The following PRKAA2 variants were observed in gnomAD, a reference collection of about 807,000 sequenced individuals.
PRKAA2 encodes the protein 5'-AMP-activated protein kinase catalytic subunit alpha-2.
PRKAA2 carries 40 observed loss-of-function variants against 56.3 expected under a neutral mutation model. The observed-to-expected ratio is 0.71, with a 90% CI of 0.55 to 0.92. The LOEUF (loss-of-function observed/expected upper bound fraction) is 0.92. Ranked by LOEUF, PRKAA2 falls within the 40% of genes least tolerant of loss-of-function variation. PRKAA2 has a pLI of 0.00. For synonymous variants in PRKAA2, 214 were observed against 234.2 expected (o/e 0.91, Z 0.79); for missense variants, 542 against 686.9 (o/e 0.79, Z 2.36).
At chr1:56,689,798 T>C (rs761912286) in intron 2 of PRKAA2, among the ~76,000 whole-genome samples, 1 of 152,014 alleles carries the variant, frequency 6.6e-6, no homozygotes, top group Non-Finnish European at 1.5e-5. Context: ...GTGTAAGTTG[T>C]AGTTTTTGGG....
In PRKAA2 at chr1:56,707,514, A is replaced by C. The variant is rs373434788; in HGVS notation, c.1460A>C (p.Gln487Pro). The change falls in exon 9 of 9, where the codon CAG becomes CCG. Residue 487 changes from glutamine to proline, a missense_variant. Coordinates refer to ENST00000371244, the MANE Select transcript of PRKAA2 (RefSeq NM_006252.4). The stretch of plus-strand genomic sequence containing the variant: ...CAGAGATCTGGTTCCTCAACACCTC[A>C]GCGTTCCTGTTCTGCTGCTGGCTTA... ...VEQRSGSSTP[Q>P]RSCSAAGLHR... The C allele has an allele frequency of 4.3e-6, 7 of 1,614,046 alleles. No individual in the cohort carries two copies. In the African/African-American group the frequency reaches 8.0e-5, roughly 18 times the overall value.
rs1409926821 is a variant in PRKAA2, at chr1:56,711,137, CTA to C, written c.*3426_*3427del. 2 of 151,992 alleles carry C rather than the reference CTA, an allele frequency of 1.3e-5. No individual in the cohort carries two copies. The highest frequency in any genetic ancestry group is 4.8e-5 in the African/African-American group (2 of 41,414). The allele number at this position is 151,992 out of a possible 1,614,324, so 9.4% of individuals were successfully genotyped here. ...AAATTAATCAGAAATAATTATATTTCTATGTCAGGGTATTGGCTATATGTAGC... is the reference window on the plus strand; with the variant it reads ...AAATTAATCAGAAATAATTATATTTCTGTCAGGGTATTGGCTATATGTAGC... On this transcript the variant is annotated 3_prime_UTR_variant, in exon 9 of 9. Transcript: ENST00000371244.
intron 1 of PRKAA2, among the ~76,000 whole-genome samples, chr1:56,659,829 G>T: frequency 6.6e-6 from 1 of 152,094 alleles, no homozygotes; most frequent in East Asian, 1.9e-4. Flanking sequence ...GATCGCTTAG[G>T]CCTGGGAGGT....
chr1:56,650,387 T>A (rs1646677583), intron 1 of PRKAA2, among the ~76,000 whole-genome samples: 1 of 152,184 alleles, frequency 6.6e-6, no homozygotes, highest in Admixed American at 6.5e-5. Context: ...TTTATCTATT[T>A]AAAATTTTTC....
chr1:56,692,358 G>A lies in PRKAA2; in HGVS notation c.331G>A (p.Val111Ile). 6.2e-7 allele frequency: 1 copy of A among 1,613,906 alleles called. No individual in the cohort carries two copies. Among genetic ancestry groups the A allele is most frequent in the Non-Finnish European group, 8.5e-7 (1 of 1,179,940 alleles). The change falls in exon 4 of 9, where the codon GTT becomes ATT. Residue 111 changes from valine (V) to isoleucine (I), a missense_variant and splice_region_variant. Coordinates refer to ENST00000371244, the MANE Select transcript of PRKAA2 (RefSeq NM_006252.4). ...LFDYICKHGR[V>I]EEMEARRLFQ... ...ATGCAGTTTCTTTTGTGCTTGATAG[G>A]TTGAAGAGATGGAAGCCAGGCGGCT...
At chr1:56,692,604 C>A in intron 4 of PRKAA2, 102 bp downstream of exon 4, 2 of 1,205,986 alleles carry the variant, frequency 1.7e-6, no homozygotes, top group Non-Finnish European at 2.2e-6. Flanking sequence ...ACGTTCTGTA[C>A]CATGAAAAGG....
At chr1:56,699,845 A>G (rs981594458) in intron 6 of PRKAA2, among the ~76,000 whole-genome samples, 2 of 152,180 alleles carry the variant, frequency 1.3e-5, no homozygotes, top group African/African-American at 4.8e-5. Flanking sequence ...ATGGAATCAT[A>G]CAGTATGTGG....
intron 2 of PRKAA2, among the ~76,000 whole-genome samples, chr1:56,681,257 C>A (rs905408696): frequency 6.6e-6 from 1 of 152,116 alleles, no homozygotes; most frequent in African/African-American, 2.4e-5. Context: ...TGGATATTAG[C>A]CCTTTGTCAG....
intron 2 of PRKAA2, among the ~76,000 whole-genome samples, chr1:56,678,936 T>C (rs1425040784): frequency 1.3e-5 from 2 of 152,150 alleles, no homozygotes. Context: ...CTTCGTGATC[T>C]GCCCACCTTG....
intron 1 of PRKAA2, among the ~76,000 whole-genome samples, chr1:56,659,838 G>T (rs889743119): frequency 1.3e-5 from 2 of 152,180 alleles, no homozygotes; most frequent in African/African-American, 4.8e-5. Context: ...GGCCTGGGAG[G>T]TTGAGGCTGC....
At chr1:56,651,253 A>G (rs939648618) in intron 1 of PRKAA2, among the ~76,000 whole-genome samples, 16 of 152,236 alleles carry the variant, frequency 1.1e-4, no homozygotes, top group African/African-American at 3.9e-4. Flanking sequence ...ATGTAGATGT[A>G]ATGTAGAACA....
chr1:56,670,055 C>CA (rs1644064173), intron 1 of PRKAA2, among the ~76,000 whole-genome samples: 1 of 152,110 alleles, frequency 6.6e-6, no homozygotes, highest in South Asian at 2.1e-4. Flanking sequence ...TTAGGAAAAA[C>CA]AAAATGAACC....
At chr1:56,669,443 A>G (rs1434450366) in intron 1 of PRKAA2, among the ~76,000 whole-genome samples, 1 of 151,542 alleles carries the variant, frequency 6.6e-6, no homozygotes, top group Non-Finnish European at 1.5e-5. Flanking sequence ...TGGGTGACAG[A>G]CTGTCTCAGA....
Position 56,710,224 on chromosome 1 carries a change from T to C in PRKAA2, c.*2511T>C, listed in dbSNP as rs571610732. On this transcript the variant is annotated 3_prime_UTR_variant, in exon 9 of 9. Coordinates refer to ENST00000371244, the MANE Select transcript of PRKAA2 (RefSeq NM_006252.4). ...CTATTATGAGGTTATAGATAAGGCC[T>C]TAGTTATATCATGGAAATGGACTCC... 1.3e-5 allele frequency: 2 copies of C among 152,244 alleles called. No homozygotes were observed. Among genetic ancestry groups the C allele is most frequent in the East Asian group, 3.9e-4 (2 of 5,184 alleles). 9.4% of individuals were successfully genotyped at this position (152,244 alleles called of 1,614,324 possible).
chr1:56,666,677 A>G (rs1002199791), intron 1 of PRKAA2, among the ~76,000 whole-genome samples: 1 of 152,200 alleles, frequency 6.6e-6, no homozygotes, highest in Non-Finnish European at 1.5e-5. Context: ...GAAGTTCCAA[A>G]TAGTTCTAAA....
At chr1:56,699,986 G>T (rs1644283336) in intron 6 of PRKAA2, among the ~76,000 whole-genome samples, 1 of 152,106 alleles carries the variant, frequency 6.6e-6, no homozygotes, top group African/African-American at 2.4e-5. Flanking sequence ...TTTAGTTTAT[G>T]CATTAGTTAA....
At chr1:56,692,652 T>A in intron 4 of PRKAA2, 150 bp downstream of exon 4, 2 of 674,364 alleles carry the variant, frequency 3.0e-6, no homozygotes, top group Non-Finnish European at 4.4e-6. Flanking sequence ...TTTTTTTTCA[T>A]TTAATTAAAT....
chr1:56,647,768 A>C (rs922339641), intron 1 of PRKAA2, among the ~76,000 whole-genome samples: 7 of 151,674 alleles, frequency 4.6e-5, no homozygotes, highest in African/African-American at 1.7e-4. Context: ...TGTGGCTCAC[A>C]CCTGTAATCC....
At chr1:56,693,968 ATTTATT>A in intron 5 of PRKAA2, 116 bp downstream of exon 5, 1 of 684,728 alleles carries the variant, frequency 1.5e-6, no homozygotes, top group Non-Finnish European at 2.3e-6. Context: ...TGGATTATTC[ATTTATT>A]TTTCCACTGT....
Sources: allele counts gnomAD v4.1 joint callset (sites outside exome capture counted in the v4.1 genomes callset), GRCh38; gene constraint gnomAD v4.1.1; transcripts MANE v1.5; gene names NCBI Gene and HGNC (gene_info 2026-07-23, HGNC 2026-07-21).